Variants in AGAP1 observed in about 807,000 individuals in gnomAD.
The protein encoded by AGAP1 is arf-GAP with GTPase, ANK repeat and PH domain-containing protein 1.
AGAP1 carries 29 observed loss-of-function variants against 105.3 expected under a neutral mutation model. That is an observed-to-expected ratio of 0.28 (90% CI 0.21 to 0.38). The LOEUF is 0.38. AGAP1 is among the 10% of genes least tolerant of loss of function. The pLI, the probability that AGAP1 is intolerant of heterozygous loss-of-function variation, is 1.00. For synonymous variants in AGAP1, 509 were observed against 485.9 expected (o/e 1.05, Z -0.63); for missense variants, 998 against 1,165.1 (o/e 0.86, Z 2.09).
intron 9 of AGAP1, among the ~76,000 whole-genome samples, chr2:235,871,960 G>A (rs1330214194): frequency 1.3e-5 from 2 of 152,222 alleles, no homozygotes; most frequent in East Asian, 1.9e-4. Context: ...CAGATACCAC[G>A]CTGGCTGTGC....
At position 235,590,399 on chromosome 2, in the gene AGAP1, T is replaced by C. The variant is rs574978947; in HGVS notation, c.163+95550T>C. 1.7e-4 allele frequency among the ~76,000 whole-genome samples: 26 copies of C among 152,192 alleles called. 1 individual carries two copies. The South Asian group carries it at 5.2e-3, about 30-fold the overall frequency. ...GGAGTGTCTGCACAGATTCCCGGTG[T>C]CTGCACCTCCTAGGGATATGGAAGG... On this transcript the variant is annotated intron_variant, in intron 1 of 17. Coordinates refer to ENST00000304032, the MANE Select transcript of AGAP1 (RefSeq NM_001037131.3).
intron 1 of AGAP1, among the ~76,000 whole-genome samples, chr2:235,594,888 T>G (rs1005833229): frequency 8.0e-5 from 12 of 150,416 alleles, no homozygotes; most frequent in Non-Finnish European, 1.5e-4. Context: ...TTGCTGTTTT[T>G]TTTTTTTTTT....
At position 236,000,007 on chromosome 2, in the gene AGAP1, C is replaced by T. The variant is rs1252181886; in HGVS notation, c.1645+31384C>T. Among the ~76,000 whole-genome samples the T allele has an allele frequency of 3.3e-5, 5 of 152,070 alleles. No individual in the cohort carries two copies. Among genetic ancestry groups the T allele is most frequent in the Non-Finnish European group, 4.4e-5 (3 of 68,010 alleles). On this transcript the variant is annotated intron_variant, in intron 13 of 17. Transcript: ENST00000304032. The surrounding 1 kb of genome is among the most constrained non-coding windows in gnomAD (Gnocchi z 4.3). ...CATTGATCCTGCTTCTAATGACTGT[C>T]AGAAAGAATACGTGAAGGCCAGCTT...
At chr2:235,513,077 T>C (rs577818638) in intron 1 of AGAP1, among the ~76,000 whole-genome samples, 3 of 152,168 alleles carry the variant, frequency 2.0e-5, no homozygotes, top group Admixed American at 1.3e-4. Context: ...TGCACTTTCA[T>C]TGGGCCCCTT....
chr2:235,852,260 A>T (rs374746568), intron 9 of AGAP1, among the ~76,000 whole-genome samples: 18 of 152,368 alleles, frequency 1.2e-4, no homozygotes, highest in African/African-American at 4.1e-4. Flanking sequence ...CTTAAAATGC[A>T]GCAGAGACAA....
At chr2:235,808,044 GAAA>G (rs71938119) in intron 9 of AGAP1, among the ~76,000 whole-genome samples, 30 of 144,516 alleles carry the variant, frequency 2.1e-4, no homozygotes, top group African/African-American at 7.7e-4. Flanking sequence ...TCTCCAATAA[GAAA>G]AAAAAAAAAC....
chr2:236,031,352 G>T (rs771770882), intron 13 of AGAP1, among the ~76,000 whole-genome samples: 4 of 152,178 alleles, frequency 2.6e-5, no homozygotes, highest in Non-Finnish European at 5.9e-5. Context: ...GTTGCACAGT[G>T]AGAAGATGGC....
At position 235,744,664 on chromosome 2, in the gene AGAP1, A is replaced by G; in HGVS notation, c.397-34A>G. 1 of 1,613,250 alleles carries G rather than the reference A, an allele frequency of 6.2e-7. No individual in the cohort carries two copies. Among genetic ancestry groups the G allele is most frequent in the African/African-American group, 1.3e-5 (1 of 75,002 alleles). On this transcript the variant is annotated intron_variant, in intron 4 of 17. Coordinates refer to ENST00000304032, the MANE Select transcript of AGAP1 (RefSeq NM_001037131.3). The surrounding 1 kb of genome is among the most constrained non-coding windows in gnomAD (Gnocchi z 5.2). ...TGTTCTTAATCAAGCCTGCTCACTC[A>G]GCTCCTGCTCTCCTCCCCTTCTTCT...
intron 1 of AGAP1, among the ~76,000 whole-genome samples, chr2:235,542,828 G>T (rs888572269): frequency 6.6e-6 from 1 of 152,156 alleles, no homozygotes; most frequent in East Asian, 1.9e-4. Context: ...CTCCAGCACT[G>T]CTCCCTGTGT....
intron 1 of AGAP1, among the ~76,000 whole-genome samples, chr2:235,515,203 C>G (rs546424077): frequency 1.3e-5 from 2 of 152,240 alleles, no homozygotes; most frequent in East Asian, 3.9e-4. Context: ...CTGACTCAAG[C>G]AGACATGGAT....
intron 1 of AGAP1, among the ~76,000 whole-genome samples, chr2:235,511,691 A>G (rs1942116848): frequency 1.3e-5 from 2 of 152,168 alleles, no homozygotes; most frequent in Admixed American, 1.3e-4. Context: ...TTCCGCATTC[A>G]AGAGAGTTCC....
At position 235,906,164 on chromosome 2, in the gene AGAP1, A is replaced by T. The variant is rs1264053383; in HGVS notation, c.1156-2574A>T. On this transcript the variant is annotated intron_variant, in intron 10 of 17. Transcript: ENST00000304032. This position sits in a 1 kb window ranked among gnomAD's most constrained non-coding sequence, Gnocchi z 5.3. ...AGCCACCCTGTAAAATGAAATGGCC[A>T]GTCACCAGCCTCGGGTGGCCGGGCA... Among the ~76,000 whole-genome samples the T allele has an allele frequency of 2.0e-5, 3 of 152,152 alleles. No individual in the cohort carries two copies. Among genetic ancestry groups the T allele is most frequent in the African/African-American group, 7.2e-5 (3 of 41,450 alleles).
intron 13 of AGAP1, among the ~76,000 whole-genome samples, chr2:236,023,437 A>G (rs141789634): frequency 5.3e-5 from 8 of 152,330 alleles, no homozygotes; most frequent in African/African-American, 1.9e-4. Context: ...TCAGACAGAA[A>G]CTGGGAGAAC....
Position 235,815,180 on chromosome 2 carries a change from A to G in AGAP1, c.1050+7849A>G, listed in dbSNP as rs574219131. ...CGTGCCCAGCAGCCCCACACAGCGC[A>G]TGAGTCCCCAGGGCTGCCCTAATGA... On this transcript the variant is annotated intron_variant, in intron 9 of 17. Transcript: ENST00000304032. 2.0e-5 allele frequency among the ~76,000 whole-genome samples: 3 copies of G among 152,278 alleles called. No individual in the cohort carries two copies. In the South Asian group the frequency reaches 6.2e-4, roughly 32 times the overall value.
At chr2:235,738,563 C>CTTTT (rs749327124) in intron 3 of AGAP1, among the ~76,000 whole-genome samples, 1 of 144,098 alleles carries the variant, frequency 6.9e-6, no homozygotes, top group Non-Finnish European at 1.5e-5. Flanking sequence ...TTCTTTCTTT[C>CTTTT]TTTTTTTTTT....
chr2:235,639,285 C>G lies in AGAP1; in HGVS notation c.164-69894C>G, dbSNP rs908171046. ...GGGTGAGTGGTTCTCAAGCTCAGAG[C>G]TGAGCTGGGGGCATCCATTTGAAGG... On this transcript the variant is annotated intron_variant, in intron 1 of 17. Coordinates refer to ENST00000304032, the MANE Select transcript of AGAP1 (RefSeq NM_001037131.3). This position sits in a 1 kb window ranked among gnomAD's most constrained non-coding sequence, Gnocchi z 5.3. 6.6e-6 allele frequency among the ~76,000 whole-genome samples: 1 copy of G among 152,112 alleles called. No individual in the cohort carries two copies. Among genetic ancestry groups the G allele is most frequent in the African/African-American group, 2.4e-5 (1 of 41,422 alleles).
Position 235,665,409 on chromosome 2 carries a change from TA to T in AGAP1, c.164-43769del, listed in dbSNP as rs1948094474. ...ATAAGGGTCAAGTCCTCATCTCTTT[TA>T]CAGTTCCACGTTTAACCTTCAGCTT... On this transcript the variant is annotated intron_variant, in intron 1 of 17. Transcript: ENST00000304032. The surrounding 1 kb of genome is among the most constrained non-coding windows in gnomAD (Gnocchi z 5.3). 6.6e-6 allele frequency among the ~76,000 whole-genome samples: 1 copy of T among 152,206 alleles called. No homozygotes were observed. The highest frequency in any genetic ancestry group is 1.5e-5 in the Non-Finnish European group (1 of 68,028).
In AGAP1 at chr2:236,096,117, A is replaced by G. The variant is rs987708013; in HGVS notation, c.2115-24075A>G. On this transcript the variant is annotated intron_variant, in intron 16 of 17. Coordinates refer to ENST00000304032, the MANE Select transcript of AGAP1 (RefSeq NM_001037131.3). This position sits in a 1 kb window ranked among gnomAD's most constrained non-coding sequence, Gnocchi z 4.4. The stretch of plus-strand genomic sequence containing the variant: ...TGATGATGGAACCGCAGTACTATGT[A>G]TCTTACCCTACCATGTGCATAGCTG... 3.3e-5 allele frequency among the ~76,000 whole-genome samples: 5 copies of G among 152,218 alleles called. No homozygotes were observed. Among genetic ancestry groups the G allele is most frequent in the African/African-American group, 9.6e-5 (4 of 41,464 alleles).
chr2:236,036,999 C>T lies in AGAP1; in HGVS notation c.1800+284C>T, dbSNP rs1337867365. Among the ~76,000 whole-genome samples the T allele has an allele frequency of 6.6e-6, 1 of 152,186 alleles. No homozygotes were observed. The highest frequency in any genetic ancestry group is 1.9e-4 in the East Asian group (1 of 5,202). ...GAGGGAATCTTTTGGACTCTTGTGG[C>T]TTCTGGGTCCACATTTATTTTTGTT... On this transcript the variant is annotated intron_variant, in intron 14 of 17. Transcript: ENST00000304032. This position sits in a 1 kb window ranked among gnomAD's most constrained non-coding sequence, Gnocchi z 5.7.
Sources: allele counts gnomAD v4.1 joint callset (sites outside exome capture counted in the v4.1 genomes callset), GRCh38; gene constraint gnomAD v4.1.1; non-coding constraint Gnocchi (gnomAD v3.1); transcripts MANE v1.5; gene names NCBI Gene and HGNC (gene_info 2026-07-23, HGNC 2026-07-21).